Variants in HK1 observed in about 807,000 individuals in gnomAD.
HK1 encodes hexokinase 1, also known as hexokinase-1.
HK1 carries 28 observed loss-of-function variants against 91.6 expected under a neutral mutation model. That is an observed-to-expected ratio of 0.31 (90% CI 0.23 to 0.42). The LOEUF (loss-of-function observed/expected upper bound fraction) is 0.42, where lower values mean the gene tolerates loss of function less well. Ranked by LOEUF, HK1 falls within the 10% of genes least tolerant of loss-of-function variation. The pLI is 1.00. For missense variants in HK1, 770 were observed against 1,219.8 expected (o/e 0.63, Z 5.49); for synonymous variants, 430 against 468.1 (o/e 0.92, Z 1.05).
intron 2 of HK1, among the ~76,000 whole-genome samples, chr10:69,348,143 G>T (rs1166863898): frequency 6.6e-6 from 1 of 151,948 alleles, no homozygotes; most frequent in African/African-American, 2.4e-5. Flanking sequence ...TCTTGGTTTC[G>T]GCTTCATTGT....
chr10:69,348,817 AAAG>A (rs1848699947), intron 2 of HK1, among the ~76,000 whole-genome samples: 1 of 152,232 alleles, frequency 6.6e-6, no homozygotes, highest in Non-Finnish European at 1.5e-5. Flanking sequence ...AAAAAAAAAA[AAAG>A]AAGAATCAAT....
chr10:69,273,923 G>T (rs1844311024), intron 1 of HK1, among the ~76,000 whole-genome samples: 1 of 151,600 alleles, frequency 6.6e-6, no homozygotes, highest in Admixed American at 6.6e-5. Flanking sequence ...CCAACATCTG[G>T]GTTACCTGTA....
chr10:69,377,454 C>T (rs1313157349), intron 8 of HK1, among the ~76,000 whole-genome samples: 4 of 151,234 alleles, frequency 2.6e-5, no homozygotes, highest in Non-Finnish European at 4.4e-5. Flanking sequence ...GCTGGTAAAG[C>T]CCGGAGCCTG....
At chr10:69,318,719 C>A (rs1385370972), upstream of HK1, 5 of 770,986 alleles carry the variant, frequency 6.5e-6, no homozygotes, top group African/African-American at 1.9e-5. Flanking sequence ...CGCGCCGCAA[C>A]CAATGGGCGT....
At chr10:69,361,188 A>G (rs74138364) in intron 3 of HK1, among the ~76,000 whole-genome samples, 2,174 of 152,286 alleles carry the variant, frequency 0.014, 47 homozygotes, top group African/African-American at 0.05. Flanking sequence ...TGTCACAGTG[A>G]GTGTCACAGG....
Position 69,386,412 on chromosome 10 carries a change from G to A in HK1, c.1929G>A (p.Arg643=). The stretch of plus-strand genomic sequence containing the variant: ...CCTTACTAAGGGATGCGATAAAAAG[G>A]AGAGAGGTAACTATTAAAAGAATGT... ...VVTLLRDAIK[R]REEFDLDVVA... The change falls in exon 13 of 18, where the codon AGG becomes AGA. Residue 643 remains arginine (R), a synonymous_variant. Transcript: ENST00000359426. The A allele has an allele frequency of 1.9e-6, 3 of 1,609,228 alleles. No individual in the cohort carries two copies. Among genetic ancestry groups the A allele is most frequent in the Non-Finnish European group, 2.6e-6 (3 of 1,175,502 alleles).
intron 1 of HK1, among the ~76,000 whole-genome samples, chr10:69,327,542 C>G (rs112723550): frequency 3.9e-5 from 6 of 152,282 alleles, no homozygotes; most frequent in African/African-American, 1.4e-4. Context: ...TCTAGAACAA[C>G]TCATTCAGCG....
intron 13 of HK1, 85 bp from the exon 14 acceptor site, chr10:69,389,112 A>T: frequency 1.0e-6 from 1 of 971,400 alleles, no homozygotes; most frequent in Non-Finnish European, 1.6e-6. Flanking sequence ...TGGCTCTCTG[A>T]CTGCAGTGCA....
chr10:69,282,980 G>A (rs193195748), intron 2 of HK1, among the ~76,000 whole-genome samples: 1 of 148,898 alleles, frequency 6.7e-6, no homozygotes, highest in African/African-American at 2.5e-5. Context: ...AAAAAAATTA[G>A]CTGGGTATGG....
Position 69,371,978 on chromosome 10 carries a change from G to A in HK1, c.875+2354G>A, listed in dbSNP as rs571738777. Among the ~76,000 whole-genome samples, 7 of 152,252 alleles carry A rather than the reference G, an allele frequency of 4.6e-5. No homozygotes were observed. The East Asian group carries it at 1.2e-3, about 25-fold the overall frequency. ...TCACACTGCCTATAAAGACATACCC[G>A]TAACTGGGCAATTTACAAAAGAAAG... On this transcript the variant is annotated intron_variant, in intron 7 of 17. Transcript: ENST00000359426.
intron 2 of HK1, among the ~76,000 whole-genome samples, chr10:69,355,256 T>A (rs1477334641): frequency 1.3e-5 from 2 of 152,106 alleles, no homozygotes; most frequent in Non-Finnish European, 2.9e-5. Context: ...CTTGGTAGAA[T>A]CAAATACAAA....
At chr10:69,325,209 T>A (rs1476211695) in intron 1 of HK1, among the ~76,000 whole-genome samples, 4 of 151,074 alleles carry the variant, frequency 2.6e-5, no homozygotes, top group Non-Finnish European at 5.9e-5. Context: ...CTGCCACCAC[T>A]CCCGTCTAAT....
intron 2 of HK1, among the ~76,000 whole-genome samples, chr10:69,358,201 C>T (rs1052739575): frequency 1.3e-5 from 2 of 152,096 alleles, no homozygotes; most frequent in Non-Finnish European, 2.9e-5. Context: ...CTTAGCATCA[C>T]GAGTGAAACA....
intron 2 of HK1, among the ~76,000 whole-genome samples, chr10:69,348,639 C>T (rs917772145): frequency 3.3e-5 from 5 of 152,170 alleles, no homozygotes; most frequent in African/African-American, 7.2e-5. Context: ...GGCGAAACCC[C>T]GTCTCTACTA....
At chr10:69,366,746 G>A (rs1849723133) in intron 4 of HK1, among the ~76,000 whole-genome samples, 1 of 152,184 alleles carries the variant, frequency 6.6e-6, no homozygotes, top group African/African-American at 2.4e-5. Context: ...AAACCCTTTG[G>A]CAAGGCCTGT....
chr10:69,327,251 T>G (rs1171079822), intron 1 of HK1, among the ~76,000 whole-genome samples: 1 of 152,120 alleles, frequency 6.6e-6, no homozygotes, highest in Admixed American at 6.5e-5. Flanking sequence ...TAGGCCTCTT[T>G]CCAAAGTTCT....
At chr10:69,299,929 G>A (rs1165980652) in intron 4 of HK1, among the ~76,000 whole-genome samples, 1 of 151,468 alleles carries the variant, frequency 6.6e-6, no homozygotes. Context: ...CAAAGTGCTG[G>A]GATTACAGGC....
At chr10:69,335,894 A>G in intron 1 of HK1, among the ~76,000 whole-genome samples, 1 of 152,178 alleles carries the variant, frequency 6.6e-6, no homozygotes, top group East Asian at 1.9e-4. Context: ...CGGCTTTGCT[A>G]GTTTGAGTCT....
chr10:69,357,131 G>A (rs1331516810), intron 2 of HK1, among the ~76,000 whole-genome samples: 1 of 152,162 alleles, frequency 6.6e-6, no homozygotes, highest in African/African-American at 2.4e-5. Context: ...AAGAATGGTG[G>A]TAATTCCTTG....
Sources: gnomAD v4.1 joint callset for allele counts (sites outside exome capture counted in the v4.1 genomes callset) on GRCh38, gnomAD v4.1.1 for gene constraint, MANE v1.5 for transcripts, NCBI Gene and HGNC (gene_info 2026-07-23, HGNC 2026-07-21) for gene names.